Variants in RUNX1T1 observed in about 807,000 individuals in gnomAD.
RUNX1T1 encodes protein CBFA2T1.
Under a neutral mutation model 62.8 loss-of-function variants are expected in RUNX1T1, and 4 were observed. That is an observed-to-expected ratio of 0.06 (90% confidence interval 0.03 to 0.15). The LOEUF is 0.15. Ranked by LOEUF, RUNX1T1 falls within the 10% of genes least tolerant of loss-of-function variation. The probability of loss-of-function intolerance (pLI) is 1.00; values close to 1 mark genes in which losing one functional copy is unlikely to be tolerated. For missense variants in RUNX1T1, 508 were observed against 754.3 expected, an observed-to-expected ratio of 0.67 and a Z score of 3.82; for synonymous variants, 291 against 286.0, an observed-to-expected ratio of 1.02 and a Z score of -0.18.
intron 4 of RUNX1T1, among the ~76,000 whole-genome samples, chr8:92,007,493 T>G (rs1012565039): frequency 2.6e-5 from 4 of 151,274 alleles, no homozygotes; most frequent in African/African-American, 4.9e-5. Context: ...CATTCTGAAG[T>G]ACAGTCATGC....
intron 1 of RUNX1T1, among the ~76,000 whole-genome samples, chr8:92,023,585 A>G (rs1802165349): frequency 6.6e-6 from 1 of 152,234 alleles, no homozygotes; most frequent in African/African-American, 2.4e-5. Context: ...TAAGCATTCT[A>G]AAGTCCAATT....
chr8:92,031,451 AATGT>A (rs964945334), intron 1 of RUNX1T1, among the ~76,000 whole-genome samples: 6 of 148,926 alleles, frequency 4.0e-5, no homozygotes, highest in Non-Finnish European at 8.9e-5. Context: ...GATTTAGCCT[AATGT>A]ATGTATGTAT....
chr8:92,032,389 AT>A (rs1159224790), intron 1 of RUNX1T1, among the ~76,000 whole-genome samples: 3 of 152,146 alleles, frequency 2.0e-5, no homozygotes, highest in African/African-American at 7.2e-5. Context: ...TTCTGTATGA[AT>A]AAAAACTGCA....
chr8:92,073,423 T>G (rs563604374), intron 2 of RUNX1T1, among the ~76,000 whole-genome samples: 1 of 152,206 alleles, frequency 6.6e-6, no homozygotes, highest in East Asian at 1.9e-4. Context: ...GACCCCAGCC[T>G]GCTTCAAACT....
chr8:92,015,257 A>G (rs1822765091), intron 2 of RUNX1T1, among the ~76,000 whole-genome samples: 1 of 152,224 alleles, frequency 6.6e-6, no homozygotes, highest in South Asian at 2.1e-4. Flanking sequence ...ATCATTGAAC[A>G]TTTTTAATCA....
At chr8:92,044,531 C>T (rs954598590) in intron 1 of RUNX1T1, among the ~76,000 whole-genome samples, 2 of 152,216 alleles carry the variant, frequency 1.3e-5, no homozygotes, top group Admixed American at 1.3e-4. Flanking sequence ...AAGAGGTGGG[C>T]TGAGCAACCA....
intron 1 of RUNX1T1, among the ~76,000 whole-genome samples, chr8:92,061,426 C>G (rs141924101): frequency 1.2e-3 from 189 of 152,252 alleles, no homozygotes; most frequent in African/African-American, 4.1e-3. Flanking sequence ...GTTAAAATGA[C>G]CTTTCAAAGA....
intron 1 of RUNX1T1, among the ~76,000 whole-genome samples, chr8:92,028,000 C>T (rs373682060): frequency 4.1e-5 from 6 of 147,778 alleles, no homozygotes; most frequent in African/African-American, 5.0e-5. Context: ...GTTTTGTTAG[C>T]TCTGTAGCAT....
upstream of RUNX1T1, among the ~76,000 whole-genome samples, chr8:92,101,523 C>T (rs1199777296): frequency 2.0e-5 from 3 of 152,094 alleles, no homozygotes; most frequent in Admixed American, 6.5e-5. Context: ...GACTAGGGCA[C>T]GGTGGAATTT....
At chr8:92,090,229 A>G (rs1407217355) in intron 1 of RUNX1T1, among the ~76,000 whole-genome samples, 3 of 151,594 alleles carry the variant, frequency 2.0e-5, no homozygotes, top group Non-Finnish European at 4.4e-5. Context: ...GCTTTACACT[A>G]TGAAACTAGT....
At chr8:92,059,385 A>G (rs1447144711) in intron 1 of RUNX1T1, among the ~76,000 whole-genome samples, 13 of 152,196 alleles carry the variant, frequency 8.5e-5, no homozygotes. Context: ...TTGTCTGTCC[A>G]TGGCAATTTC....
intron 2 of RUNX1T1, among the ~76,000 whole-genome samples, chr8:92,071,597 C>CT (rs1833680952): frequency 6.6e-6 from 1 of 152,086 alleles, no homozygotes; most frequent in Non-Finnish European, 1.5e-5. Flanking sequence ...ACCAAACCCT[C>CT]TTCCACACAA....
intron 1 of RUNX1T1, among the ~76,000 whole-genome samples, chr8:92,051,287 T>C (rs1008728363): frequency 1.3e-5 from 2 of 152,032 alleles, no homozygotes; most frequent in Non-Finnish European, 2.9e-5. Flanking sequence ...CTAGGTGCCA[T>C]GGAGACACAA....
intron 1 of RUNX1T1, among the ~76,000 whole-genome samples, chr8:92,037,149 A>G (rs1827577553): frequency 6.6e-6 from 1 of 152,170 alleles, no homozygotes; most frequent in Non-Finnish European, 1.5e-5. Flanking sequence ...ATTACCTGAG[A>G]AATTCTGAAA....
At chr8:91,987,657 A>C (rs993428267) in intron 6 of RUNX1T1, among the ~76,000 whole-genome samples, 2 of 152,192 alleles carry the variant, frequency 1.3e-5, no homozygotes, top group Non-Finnish European at 2.9e-5. Context: ...TCCTAATTTG[A>C]AGTCCATGAA....
rs112598869 is a variant in RUNX1T1 at position 92,080,127 on chromosome 8, G to T, written c.-85-3990C>A. On this transcript the variant is annotated intron_variant, in intron 1 of 11. Coordinates refer to the RUNX1T1 transcript ENST00000265814. ...TCTGTGAGAGCTAGGGTCTCATCTG[G>T]GGGGTGCTCATTACTCTACCCTCCA... is the stretch of plus-strand genomic sequence containing the variant. 8.6e-3 allele frequency among the ~76,000 whole-genome samples: 1,310 copies of T among 152,120 alleles called. 6 individuals carry two copies. The highest frequency in any genetic ancestry group is 0.017 in the Middle Eastern group (5 of 294).
chr8:91,965,173 A>G (rs1464172910), intron 10 of RUNX1T1, among the ~76,000 whole-genome samples: 1 of 152,194 alleles, frequency 6.6e-6, no homozygotes, highest in Non-Finnish European at 1.5e-5. Flanking sequence ...ATTAAGTGCT[A>G]TCACCCATGG....
At chr8:92,027,603 A>C (rs999048110) in intron 1 of RUNX1T1, among the ~76,000 whole-genome samples, 2 of 152,174 alleles carry the variant, frequency 1.3e-5, no homozygotes, top group African/African-American at 4.8e-5. Context: ...CCGGCACAAG[A>C]CATTCTCAGT....
intron 1 of RUNX1T1, among the ~76,000 whole-genome samples, chr8:92,039,720 G>T (rs79926622): frequency 0.011 from 1,600 of 152,248 alleles, 21 homozygotes; most frequent in African/African-American, 0.036. Context: ...TCCCCATTCT[G>T]GTTGATGGCA....
Sources: allele counts gnomAD v4.1 joint callset (sites outside exome capture counted in the v4.1 genomes callset), GRCh38; gene constraint gnomAD v4.1.1; transcripts MANE v1.5; gene names NCBI Gene and HGNC (gene_info 2026-07-23, HGNC 2026-07-21).